The following PRICKLE2 variants were observed in gnomAD, a reference collection of about 807,000 sequenced individuals.
PRICKLE2 encodes the protein prickle planar cell polarity protein 2, also known as prickle-like protein 2.
In PRICKLE2, 21 loss-of-function variants were observed where a neutral mutation model predicts 81.4. That is an observed-to-expected ratio of 0.26 (90% confidence interval 0.18 to 0.37). PRICKLE2 has a LOEUF of 0.37. PRICKLE2 is among the 10% of genes least tolerant of loss of function. The pLI is 1.00. For missense variants in PRICKLE2, 940 were observed against 1,109.0 expected, an observed-to-expected ratio of 0.85 and a Z score of 2.16; for synonymous variants, 456 against 421.5, an observed-to-expected ratio of 1.08 and a Z score of -1.00.
rs752000702 is a variant in PRICKLE2, at chr3:64,198,865, C to G, written c.63G>C (p.Gln21His). 4.3e-6 allele frequency: 7 copies of G among 1,614,104 alleles called. No individual in the cohort carries two copies. In the Admixed American group the frequency reaches 8.3e-5, roughly 19 times the overall value. Residue 21 changes from glutamine to histidine, a missense_variant, in exon 2 of 8, where the codon CAG (glutamine) becomes CAC (histidine). Around this residue, in one of 2 missense-constraint regions of PRICKLE2, gnomAD observed 270 missense variants for 391.8 expected, o/e 0.69. Transcript: ENST00000638394. ...KTISKLMFDF[Q>H]RNSTSDDDSG... ...AGTCATCATCTGAGGTCGAGTTCCT[C>G]TGAAAGTCAAACATGAGTTTGCTGA... is the stretch of plus-strand genomic sequence containing the variant.
chr3:64,121,443 C>A (rs1361248909), intron 7 of PRICKLE2, among the ~76,000 whole-genome samples: 1 of 151,980 alleles, frequency 6.6e-6, no homozygotes, highest in Non-Finnish European at 1.5e-5. Flanking sequence ...GGTTTACCAA[C>A]ATTGATTCCT....
chr3:64,244,642 G>A (rs1206655626), intron 2 of PRICKLE2, among the ~76,000 whole-genome samples: 2 of 151,276 alleles, frequency 1.3e-5, no homozygotes, highest in Non-Finnish European at 2.9e-5. Flanking sequence ...GTGTCTGATA[G>A]AGAGGGAGAA....
At chr3:64,111,492 T>A (rs1575547884) in intron 7 of PRICKLE2, among the ~76,000 whole-genome samples, 1 of 152,074 alleles carries the variant, frequency 6.6e-6, no homozygotes, top group Non-Finnish European at 1.5e-5. Flanking sequence ...AGTCAGAGAT[T>A]TGAGGGGGCA....
At chr3:64,226,527 A>G (rs2088306694), upstream of PRICKLE2, among the ~76,000 whole-genome samples, 1 of 152,248 alleles carries the variant, frequency 6.6e-6, no homozygotes, top group South Asian at 2.1e-4. Context: ...AAGGCTAGGT[A>G]TAAACACAGT....
Position 64,146,895 on chromosome 3 carries a change from T to G in PRICKLE2, c.1595A>C (p.Asp532Ala). 6 of 1,614,116 alleles carry G rather than the reference T, an allele frequency of 3.7e-6. No homozygotes were observed. Among genetic ancestry groups the G allele is most frequent in the Non-Finnish European group, 5.1e-6 (6 of 1,180,020 alleles). The change falls in exon 7 of 8, where the codon GAC becomes GCC. Residue 532 changes from aspartate (D) to alanine (A), a missense_variant. Physicochemically the swap from Asp to Ala is moderately radical, Grantham distance 126 (BLOSUM62 -2). Coordinates refer to ENST00000638394, the MANE Select transcript of PRICKLE2 (RefSeq NM_198859.4). ...HPISSLKYTE[D>A]MTPTEQTPRG... ...AGGGGTCTGCTCTGTGGGCGTCATG[T>G]CCTCTGTGTATTTCAGGGAACTGAT...
chr3:64,265,250 A>C (rs913861865), intron 2 of PRICKLE2, among the ~76,000 whole-genome samples: 7 of 152,236 alleles, frequency 4.6e-5, no homozygotes, highest in African/African-American at 7.2e-5. Context: ...TCAGATTTTG[A>C]GAAAATAAAA....
chr3:64,179,895 C>A (rs74495829), intron 2 of PRICKLE2, among the ~76,000 whole-genome samples: 102 of 152,274 alleles, frequency 6.7e-4, no homozygotes, highest in African/African-American at 2.4e-3. Flanking sequence ...CCATTCCACC[C>A]CACTGTCTCC....
chr3:64,101,878 G>A (rs2076669942), intron 7 of PRICKLE2: 1 of 152,214 alleles, frequency 6.6e-6, no homozygotes, highest in Admixed American at 6.5e-5. Context: ...AGTTGCAAGG[G>A]AAGAATTAGT....
intron 2 of PRICKLE2, among the ~76,000 whole-genome samples, chr3:64,243,930 T>C (rs987274917): frequency 6.6e-6 from 1 of 152,216 alleles, no homozygotes; most frequent in Non-Finnish European, 1.5e-5. Flanking sequence ...CCTCCTAGTA[T>C]GTTATTTCTG....
intron 2 of PRICKLE2, among the ~76,000 whole-genome samples, chr3:64,261,181 T>C (rs544195095): frequency 6.6e-6 from 1 of 152,290 alleles, no homozygotes; most frequent in African/African-American, 2.4e-5. Flanking sequence ...AAATGTGAAG[T>C]GTATGGACTT....
chr3:64,195,373 T>C lies in PRICKLE2; in HGVS notation c.144+3411A>G, dbSNP rs6783309. Among the ~76,000 whole-genome samples the C allele has an allele frequency of 3.4e-3, 525 of 152,352 alleles. 2 individuals are homozygous for C. Among genetic ancestry groups the C allele is most frequent in the African/African-American group, 0.012 (488 of 41,576 alleles). ...GGACTTTCGTTTACATTATATTCAATTGAAGGCATTTCTCAGGAGAAATAA... is the reference window on the plus strand; with the variant it reads ...GGACTTTCGTTTACATTATATTCAACTGAAGGCATTTCTCAGGAGAAATAA... On this transcript the variant is annotated intron_variant, in intron 2 of 7. Coordinates refer to ENST00000638394, the MANE Select transcript of PRICKLE2 (RefSeq NM_198859.4).
intron 2 of PRICKLE2, among the ~76,000 whole-genome samples, chr3:64,189,991 C>G (rs983767682): frequency 1.3e-5 from 2 of 152,174 alleles, no homozygotes; most frequent in Non-Finnish European, 2.9e-5. Context: ...TTGGCAAGCA[C>G]CGAGCACTGC....
chr3:64,133,314 G>C (rs895828211), intron 7 of PRICKLE2, among the ~76,000 whole-genome samples: 1 of 152,110 alleles, frequency 6.6e-6, no homozygotes, highest in African/African-American at 2.4e-5. Flanking sequence ...TTGTATAAAG[G>C]GGAGCTTGAT....
chr3:64,157,918 C>T (rs57299523), intron 4 of PRICKLE2, among the ~76,000 whole-genome samples: 4,345 of 152,308 alleles, frequency 0.029, 195 homozygotes, highest in African/African-American at 0.099. Context: ...CATCTTTCTA[C>T]ATAGTCTTGA....
At chr3:64,180,666 G>T (rs2078114240) in intron 2 of PRICKLE2, among the ~76,000 whole-genome samples, 1 of 152,202 alleles carries the variant, frequency 6.6e-6, no homozygotes, top group Middle Eastern at 3.4e-3. Context: ...CTGAGTAGCT[G>T]GGATTACAGG....
At chr3:64,235,283 G>A (rs2079163498) in intron 2 of PRICKLE2, among the ~76,000 whole-genome samples, 1 of 152,036 alleles carries the variant, frequency 6.6e-6, no homozygotes, top group Non-Finnish European at 1.5e-5. Flanking sequence ...CTGTCATCAT[G>A]CCTTCCTTTA....
chr3:64,155,503 G>C (rs939463185), intron 5 of PRICKLE2, among the ~76,000 whole-genome samples: 1 of 152,130 alleles, frequency 6.6e-6, no homozygotes, highest in African/African-American at 2.4e-5. Flanking sequence ...GTTAAACTTA[G>C]AATTATCATA....
At chr3:64,142,934 A>T (rs903708299) in intron 7 of PRICKLE2, among the ~76,000 whole-genome samples, 5 of 152,186 alleles carry the variant, frequency 3.3e-5, no homozygotes, top group Admixed American at 3.3e-4. Flanking sequence ...GTTCAAGGCC[A>T]CACAACTCCT....
intron 1 of PRICKLE2, among the ~76,000 whole-genome samples, chr3:64,202,238 T>C (rs528326966): frequency 8.5e-5 from 13 of 152,320 alleles, no homozygotes; most frequent in Admixed American, 8.5e-4. Flanking sequence ...TGCATTTGCA[T>C]TCATAAAATA....
Sources: gnomAD v4.1 joint callset for allele counts (sites outside exome capture counted in the v4.1 genomes callset) on GRCh38, gnomAD v4.1.1 for gene constraint, gnomAD v4.1.1 regional missense constraint, MANE v1.5 for transcripts, NCBI Gene and HGNC (gene_info 2026-07-23, HGNC 2026-07-21) for gene names.